Variants in SYNDIG1 observed in about 807,000 individuals in gnomAD.
The protein encoded by SYNDIG1 is synapse differentiation inducing 1.
SYNDIG1 carries 9 observed loss-of-function variants against 19.4 expected under a neutral mutation model. That is an observed-to-expected ratio of 0.46 (90% CI 0.28 to 0.81). The LOEUF is 0.81. SYNDIG1 is among the 30% of genes least tolerant of loss of function. The pLI is 0.12. For synonymous variants in SYNDIG1, 141 were observed against 145.9 expected, an observed-to-expected ratio of 0.97 and a Z score of 0.24; for missense variants, 311 against 343.3, an observed-to-expected ratio of 0.91 and a Z score of 0.74.
At chr20:24,580,292 C>T (rs926862241) in intron 2 of SYNDIG1, among the ~76,000 whole-genome samples, 1 of 152,160 alleles carries the variant, frequency 6.6e-6, no homozygotes, top group Non-Finnish European at 1.5e-5. Flanking sequence ...TCCTTCCTCG[C>T]GAGTGGCATG....
chr20:24,509,528 A>G (rs762266075), intron 1 of SYNDIG1, among the ~76,000 whole-genome samples: 1 of 152,168 alleles, frequency 6.6e-6, no homozygotes, highest in Non-Finnish European at 1.5e-5. Context: ...GTTGTTTTCT[A>G]TAGTCAATGC....
At chr20:24,521,153 A>G (rs899993970) in intron 1 of SYNDIG1, among the ~76,000 whole-genome samples, 2 of 152,168 alleles carry the variant, frequency 1.3e-5, no homozygotes, top group African/African-American at 4.8e-5. Flanking sequence ...AATTTGCTTC[A>G]TTTTGAAGGC....
chr20:24,485,797 AGT>A (rs1201034322), intron 1 of SYNDIG1, among the ~76,000 whole-genome samples: 1 of 152,192 alleles, frequency 6.6e-6, no homozygotes, highest in African/African-American at 2.4e-5. Flanking sequence ...TCAGCAGCTC[AGT>A]GCGGTTGGAG....
chr20:24,589,145 G>C (rs1486035398), intron 3 of SYNDIG1, among the ~76,000 whole-genome samples: 2 of 152,202 alleles, frequency 1.3e-5, no homozygotes, highest in African/African-American at 4.8e-5. Context: ...GAATGATACT[G>C]AGGATAGACA....
intron 1 of SYNDIG1, among the ~76,000 whole-genome samples, chr20:24,537,032 C>T (rs2057376191): frequency 6.6e-6 from 1 of 152,118 alleles, no homozygotes; most frequent in Admixed American, 6.5e-5. Context: ...TTCACACATC[C>T]ATCTGCCTGA....
intron 2 of SYNDIG1, among the ~76,000 whole-genome samples, chr20:24,573,261 T>C (rs995113793): frequency 3.9e-5 from 6 of 152,328 alleles, no homozygotes; most frequent in Admixed American, 2.6e-4. Flanking sequence ...GGATGGGTCA[T>C]AGAAGGCTGC....
intron 3 of SYNDIG1, among the ~76,000 whole-genome samples, chr20:24,627,259 T>C (rs1174387639): frequency 6.6e-6 from 1 of 152,122 alleles, no homozygotes; most frequent in Non-Finnish European, 1.5e-5. Context: ...GTAACTTAGA[T>C]GAAATTGACC....
chr20:24,644,005 T>G (rs1165551451), intron 3 of SYNDIG1, among the ~76,000 whole-genome samples: 1 of 152,240 alleles, frequency 6.6e-6, no homozygotes, highest in Non-Finnish European at 1.5e-5. Flanking sequence ...TATTTTGAAA[T>G]GCAAGAAGTA....
At chr20:24,594,605 A>C (rs1412081995) in intron 3 of SYNDIG1, among the ~76,000 whole-genome samples, 3 of 152,132 alleles carry the variant, frequency 2.0e-5, no homozygotes, top group Non-Finnish European at 4.4e-5. Flanking sequence ...TAGATCTGTA[A>C]GTGCTTTAGG....
chr20:24,556,220 C>G (rs1227854440), intron 2 of SYNDIG1, among the ~76,000 whole-genome samples: 3 of 152,130 alleles, frequency 2.0e-5, no homozygotes, highest in Non-Finnish European at 4.4e-5. Flanking sequence ...AGATGGGTTT[C>G]CTGAATACAG....
chr20:24,516,068 G>A (rs2056855928), intron 1 of SYNDIG1, among the ~76,000 whole-genome samples: 2 of 152,130 alleles, frequency 1.3e-5, no homozygotes, highest in Admixed American at 6.5e-5. Context: ...TGACAAACCT[G>A]ACAAAAACAA....
chr20:24,500,340 G>A (rs1244394293), intron 1 of SYNDIG1, among the ~76,000 whole-genome samples: 4 of 152,106 alleles, frequency 2.6e-5, no homozygotes, highest in African/African-American at 9.7e-5. Flanking sequence ...GCCAAAGAAA[G>A]GATGGAGTCC....
intron 3 of SYNDIG1, among the ~76,000 whole-genome samples, chr20:24,596,571 G>A (rs951831365): frequency 6.6e-6 from 1 of 151,510 alleles, no homozygotes; most frequent in Non-Finnish European, 1.5e-5. Context: ...TAGAGATAGA[G>A]TTTTGCCATG....
At chr20:24,531,494 G>GT (rs1487948321) in intron 1 of SYNDIG1, among the ~76,000 whole-genome samples, 2 of 152,166 alleles carry the variant, frequency 1.3e-5, no homozygotes, top group Non-Finnish European at 1.5e-5. Context: ...TGATTCTCCA[G>GT]TTTTTCTGTA....
intron 3 of SYNDIG1, among the ~76,000 whole-genome samples, chr20:24,652,388 G>A (rs1394317506): frequency 1.3e-5 from 2 of 152,028 alleles, no homozygotes; most frequent in Admixed American, 6.6e-5. Context: ...CTGCCTTACC[G>A]AGGAACGTTC....
At chr20:24,547,289 G>A (rs2057598237) in intron 2 of SYNDIG1, among the ~76,000 whole-genome samples, 1 of 152,264 alleles carries the variant, frequency 6.6e-6, no homozygotes, top group Admixed American at 6.5e-5. Flanking sequence ...AGCCTCTCCA[G>A]GTCCGAAGAG....
chr20:24,603,326 T>C (rs998857576), intron 3 of SYNDIG1, among the ~76,000 whole-genome samples: 6 of 152,160 alleles, frequency 3.9e-5, no homozygotes, highest in Admixed American at 3.9e-4. Flanking sequence ...TGTAGACAAG[T>C]GTCCCCAACC....
Position 24,566,560 on chromosome 20 carries a change from AG to A in SYNDIG1, c.481-18293del, listed in dbSNP as rs149891149. On this transcript the variant is annotated intron_variant, in intron 2 of 3. Transcript: ENST00000376862. ...CTGAAGCAGTCAGCTTGTTGTGTGA[AG>A]GGCTGGACTTGTTCTGATTACATTT... 3.8e-3 allele frequency among the ~76,000 whole-genome samples: 573 copies of A among 152,346 alleles called. 28 individuals are homozygous for A. In the East Asian group the frequency reaches 0.096, roughly 25 times the overall value.
chr20:24,542,658 T>C (rs2057490355), intron 1 of SYNDIG1, among the ~76,000 whole-genome samples: 2 of 152,354 alleles, frequency 1.3e-5, no homozygotes, highest in South Asian at 4.1e-4. Context: ...AGATTTGCAG[T>C]TCTGTTTTCC....
Sources: allele counts gnomAD v4.1 joint callset (sites outside exome capture counted in the v4.1 genomes callset), GRCh38; gene constraint gnomAD v4.1.1; transcripts MANE v1.5; gene names NCBI Gene and HGNC (gene_info 2026-07-23, HGNC 2026-07-21).